The following NBAS variants were observed in gnomAD, a reference collection of about 807,000 sequenced individuals.
NBAS encodes the protein NAG/BC035112 fusion.
Under a neutral mutation model 302.5 loss-of-function variants are expected in NBAS, and 219 were observed. That is an observed-to-expected ratio of 0.72 (90% CI 0.65 to 0.81). NBAS has a LOEUF of 0.81. Ranked by LOEUF, NBAS falls within the 30% of genes least tolerant of loss-of-function variation. The pLI is 0.00. For missense variants in NBAS, 2,932 were observed against 2,841.6 expected, an observed-to-expected ratio of 1.03 and a Z score of -0.72; for synonymous variants, 1,118 against 1,021.6, an observed-to-expected ratio of 1.09 and a Z score of -1.80.
chr2:15,007,422 A>C, the NBAS span, among the ~76,000 whole-genome samples: 5 of 152,246 alleles, frequency 3.3e-5, no homozygotes, highest in Non-Finnish European at 7.3e-5. Context: ...AGCATATCTT[A>C]GAATTTGCCA....
chr2:15,260,585 G>C (rs1178728175), intron 44 of NBAS, among the ~76,000 whole-genome samples: 1 of 152,168 alleles, frequency 6.6e-6, no homozygotes, highest in Admixed American at 6.5e-5. Flanking sequence ...GTCACTGCAA[G>C]AGTCTGGACA....
At chr2:14,791,522 G>A in the NBAS span, among the ~76,000 whole-genome samples, 1 of 152,110 alleles carries the variant, frequency 6.6e-6, no homozygotes. Context: ...ATGGGCATGA[G>A]GTTGGGAACA....
At chr2:15,419,700 C>T (rs1221849966) in intron 23 of NBAS, among the ~76,000 whole-genome samples, 2 of 151,878 alleles carry the variant, frequency 1.3e-5, no homozygotes, top group Non-Finnish European at 2.9e-5. Context: ...AGTACATGTA[C>T]TTGGTTGACG....
the NBAS span, among the ~76,000 whole-genome samples, chr2:15,052,197 G>A: frequency 1.3e-5 from 2 of 152,174 alleles, no homozygotes; most frequent in African/African-American, 4.8e-5. Context: ...GCTTCATAAT[G>A]CATTGGGAAA....
At chr2:15,088,302 T>A in the NBAS span, among the ~76,000 whole-genome samples, 1 of 152,172 alleles carries the variant, frequency 6.6e-6, no homozygotes, top group Non-Finnish European at 1.5e-5. Context: ...ATTCTCAGAG[T>A]ATGTCATAGG....
At chr2:15,558,861 G>C (rs981137382) in intron 1 of NBAS, among the ~76,000 whole-genome samples, 1 of 151,954 alleles carries the variant, frequency 6.6e-6, no homozygotes, top group African/African-American at 2.4e-5. Context: ...TTGAGCCCAG[G>C]AGCTCCAGAC....
chr2:15,286,368 A>G (rs1188894993), intron 42 of NBAS, among the ~76,000 whole-genome samples: 1 of 152,176 alleles, frequency 6.6e-6, no homozygotes, highest in Admixed American at 6.5e-5. Context: ...GTTCACCAGA[A>G]TCCTTAACTA....
chr2:15,444,515 A>G (rs1472680053), intron 21 of NBAS, among the ~76,000 whole-genome samples: 2 of 152,088 alleles, frequency 1.3e-5, no homozygotes, highest in African/African-American at 4.8e-5. Context: ...AAGATGGATT[A>G]AAGACTTAAA....
chr2:14,959,724 T>G, the NBAS span, among the ~76,000 whole-genome samples: 2 of 152,230 alleles, frequency 1.3e-5, no homozygotes. Flanking sequence ...TTTCCTGAAG[T>G]GCCTTTTCCC....
At position 15,276,948 on chromosome 2, in the gene NBAS, A is replaced by G; in HGVS notation, c.5292T>C (p.Thr1764=). 4 of 1,614,080 alleles carry G rather than the reference A, an allele frequency of 2.5e-6. No homozygotes were observed. Among genetic ancestry groups the G allele is most frequent in the South Asian group, 2.2e-5 (2 of 91,078 alleles). Residue 1764 remains threonine (T), a synonymous_variant, in exon 43 of 52, where the codon ACT becomes ACC. Transcript: ENST00000281513. ...CTGCACAGCCACAGTTTTCCAGAAG[A>G]GTGAAATAATACTGCAGCCTTTCGT... ...FDHERLQYYF[T]LLENCGCADL...
chr2:15,319,137 C>G (rs1378426299), intron 38 of NBAS, among the ~76,000 whole-genome samples: 1 of 152,140 alleles, frequency 6.6e-6, no homozygotes. Context: ...ACAACCTGCT[C>G]CTGAATAACT....
At chr2:14,833,700 CTTGGACT>C in the NBAS span, among the ~76,000 whole-genome samples, 1,036 of 151,696 alleles carry the variant, frequency 6.8e-3, 6 homozygotes, top group Non-Finnish European at 0.012. Flanking sequence ...AAGAAAAAGC[CTTGGACT>C]GGGAGGTAGG....
chr2:15,053,475 C>T, the NBAS span, among the ~76,000 whole-genome samples: 1 of 152,172 alleles, frequency 6.6e-6, no homozygotes, highest in African/African-American at 2.4e-5. Context: ...TTCTGTAAGT[C>T]TCTTCTTTGG....
At chr2:14,809,122 T>C in the NBAS span, among the ~76,000 whole-genome samples, 5 of 152,176 alleles carry the variant, frequency 3.3e-5, no homozygotes, top group Non-Finnish European at 1.5e-5. Flanking sequence ...GGCATAAAAG[T>C]ATGGAAAATT....
the NBAS span, among the ~76,000 whole-genome samples, chr2:14,850,773 T>A: frequency 1.9e-4 from 14 of 73,020 alleles, 2 homozygotes; most frequent in South Asian, 4.2e-3. Context: ...GGATTAAGAA[T>A]CTCACTCAAA....
rs112040086 is a variant in NBAS, at chr2:15,256,737, C to T, written c.5725-18051G>A. 9.8e-3 allele frequency among the ~76,000 whole-genome samples: 1,487 copies of T among 152,192 alleles called. 24 individuals are homozygous for T. The highest frequency in any genetic ancestry group is 0.034 in the African/African-American group (1,410 of 41,530). On this transcript the variant is annotated intron_variant, in intron 44 of 51. Transcript: ENST00000281513. ...TACCTTGAGGTATGTCCCTTATATG[C>T]CAATTTTGCTGAGGGTTTTAATCAT...
the NBAS span, among the ~76,000 whole-genome samples, chr2:14,787,630 A>G: frequency 2.0e-5 from 3 of 152,116 alleles, no homozygotes; most frequent in Non-Finnish European, 4.4e-5. Flanking sequence ...TCTTTTCTTT[A>G]TGAATGTTGG....
chr2:15,382,338 T>C lies in NBAS; in HGVS notation c.3360+877A>G, dbSNP rs376859614. Among the ~76,000 whole-genome samples, 23 of 152,302 alleles carry C rather than the reference T, an allele frequency of 1.5e-4. No individual in the cohort carries two copies. In the East Asian group the frequency reaches 2.5e-3, roughly 17 times the overall value. Reference sequence around the variant, plus strand: ...CCTTTATATTCCATATGTTATAATATGCACTAGGGGATATGAGAGTTCACA... The same window carrying C: ...CCTTTATATTCCATATGTTATAATACGCACTAGGGGATATGAGAGTTCACA... On this transcript the variant is annotated intron_variant, in intron 29 of 51. Coordinates refer to ENST00000281513, the MANE Select transcript of NBAS (RefSeq NM_015909.4).
chr2:14,979,938 C>A, the NBAS span, among the ~76,000 whole-genome samples: 1 of 152,122 alleles, frequency 6.6e-6, no homozygotes, highest in Non-Finnish European at 1.5e-5. Flanking sequence ...GAATCACCCT[C>A]CTTCCTGTGC....
Sources: gnomAD v4.1 joint callset for allele counts (sites outside exome capture counted in the v4.1 genomes callset) on GRCh38, gnomAD v4.1.1 for gene constraint, MANE v1.5 for transcripts, NCBI Gene and HGNC (gene_info 2026-07-23, HGNC 2026-07-21) for gene names.